The following VPS51 variants were observed in gnomAD, a reference collection of about 807,000 sequenced individuals.
VPS51 encodes the protein vacuolar protein sorting-associated protein 51 homolog.
VPS51 carries 55 observed loss-of-function variants against 65.1 expected under a neutral mutation model. The ratio of observed to expected loss-of-function variants is 0.84; its 90% CI spans 0.68 to 1.06. The LOEUF is 1.06. VPS51 is among the 50% of genes least tolerant of loss of function. VPS51 has a pLI of 0.00. For missense variants in VPS51, 943 were observed against 1,101.6 expected, an observed-to-expected ratio of 0.86 and a Z score of 2.04; for synonymous variants, 473 against 489.5, an observed-to-expected ratio of 0.97 and a Z score of 0.44.
Position 65,107,663 on chromosome 11 carries a change from C to T in VPS51, c.441C>T (p.Thr147=), listed in dbSNP as rs777319079. ...DRLATNMAVI[T]DFSARISATL... is the part of the protein sequence containing the mutation. ...TGGCCACCAACATGGCAGTGATCAC[C>T]GACTTCAGCGCTCGCATCAGCGCCA... Residue 147 remains threonine, a synonymous_variant, in exon 3 of 10, where the codon ACC becomes ACT. Coordinates refer to ENST00000279281, the MANE Select transcript of VPS51 (RefSeq NM_013265.4). This position sits in a 1 kb window ranked among gnomAD's most constrained non-coding sequence, Gnocchi z 4.0. 2.8e-5 allele frequency: 45 copies of T among 1,610,126 alleles called. No homozygotes were observed. The highest frequency in any genetic ancestry group is 1.6e-4 in the Middle Eastern group (1 of 6,076).
At chr11:65,099,742 A>C (rs760490227) in intron 2 of VPS51, among the ~76,000 whole-genome samples, 1 of 152,150 alleles carries the variant, frequency 6.6e-6, no homozygotes, top group Non-Finnish European at 1.5e-5. Flanking sequence ...GATTGCAGTG[A>C]GCTATAATCT....
Position 65,108,312 on chromosome 11 carries a change from GAGA to G in VPS51, c.844_846del (p.Lys282del), listed in dbSNP as rs759913844. On this transcript the variant is annotated inframe_deletion, in exon 5 of 10. Coordinates refer to ENST00000279281, the MANE Select transcript of VPS51 (RefSeq NM_013265.4). The stretch of plus-strand genomic sequence containing the variant: ...CCTGGCGCACGCCCGCGGCCGGCTG[GAGA>G]AGGAGCTGAGAAACCTGGAGGCCGA... 6 of 1,609,224 alleles carry G rather than the reference GAGA, an allele frequency of 3.7e-6. No individual in the cohort carries two copies. The highest frequency in any genetic ancestry group is 1.1e-5 in the South Asian group (1 of 90,564).
intron 2 of VPS51, 85 bp downstream of exon 2, chr11:65,097,212 G>T (rs1284324401): frequency 1.9e-6 from 3 of 1,571,520 alleles, no homozygotes; most frequent in South Asian, 1.2e-5. Context: ...GGGATTTAGA[G>T]GGGGGAGACT....
At chr11:65,100,525 G>GTTTTT (rs36120079) in intron 2 of VPS51, among the ~76,000 whole-genome samples, 11 of 65,618 alleles carry the variant, frequency 1.7e-4, no homozygotes, top group East Asian at 4.8e-4. Flanking sequence ...TCATAGCAGT[G>GTTTTT]TTTTTTTTTT....
At position 65,111,741 on chromosome 11, in the gene VPS51, G is replaced by T; in HGVS notation, c.*154G>T. 1 of 1,330,830 alleles carries T rather than the reference G, an allele frequency of 7.5e-7. No individual in the cohort carries two copies. The highest frequency in any genetic ancestry group is 1.0e-6 in the Non-Finnish European group (1 of 1,004,114). 82.4% of individuals were successfully genotyped at this position (1,330,830 alleles called of 1,614,324 possible). ...TTGCTGGGCGGGCCTTTCCGGGGGC[G>T]GGGTTTTGAAGCTGAGGCTTCTGAG... On this transcript the variant is annotated 3_prime_UTR_variant, in exon 10 of 10. Coordinates refer to ENST00000279281, the MANE Select transcript of VPS51 (RefSeq NM_013265.4).
chr11:65,111,755 G>A lies in VPS51; in HGVS notation c.*168G>A. ...TTTCCGGGGGCGGGGTTTTGAAGCT[G>A]AGGCTTCTGAGGCGCCCGCGTCGGG... On this transcript the variant is annotated 3_prime_UTR_variant, in exon 10 of 10. Coordinates refer to ENST00000279281, the MANE Select transcript of VPS51 (RefSeq NM_013265.4). 1 of 1,204,376 alleles carries A rather than the reference G, an allele frequency of 8.3e-7. No individual in the cohort carries two copies. Among genetic ancestry groups the A allele is most frequent in the South Asian group, 1.6e-5 (1 of 62,490 alleles). The allele number at this position is 1,204,376 out of a possible 1,614,324, so 74.6% of individuals were successfully genotyped here. A position where few individuals can be genotyped will look rare whatever the true frequency, so the allele number is the denominator to read the frequency against.
chr11:65,108,743 C>T lies in VPS51; in HGVS notation c.1272C>T (p.Asp424=), dbSNP rs761863465. The change falls in exon 5 of 10, where the codon GAC becomes GAT. Residue 424 remains aspartate, a synonymous_variant. Transcript: ENST00000279281. ...LRAAFLGCLT[D]VRQALAAPRV... is the part of the protein sequence containing the mutation. ...CGGCCTTCCTGGGCTGCCTGACAGACGTCCGCCAGGCGCTGGCAGCACCTC... is the reference window on the plus strand; with the variant it reads ...CGGCCTTCCTGGGCTGCCTGACAGATGTCCGCCAGGCGCTGGCAGCACCTC... 14 of 1,611,190 alleles carry T rather than the reference C, an allele frequency of 8.7e-6. No individual in the cohort carries two copies. Among genetic ancestry groups the T allele is most frequent in the Non-Finnish European group, 1.2e-5 (14 of 1,179,730 alleles).
chr11:65,111,626 C>A lies in VPS51; in HGVS notation c.*39C>A. ...CATGCACCGGTCTGTCCCTGCACCC[C>A]ATGGCACCCAGGATCTGGTCTCGGT... On this transcript the variant is annotated 3_prime_UTR_variant, in exon 10 of 10. Coordinates refer to ENST00000279281, the MANE Select transcript of VPS51 (RefSeq NM_013265.4). 6.4e-7 allele frequency: 1 copy of A among 1,565,994 alleles called. No individual in the cohort carries two copies.
rs1947852122 is a variant in VPS51 at position 65,107,698 on chromosome 11, A to G, written c.476A>G (p.Asp159Gly). The G allele has an allele frequency of 3.1e-6, 5 of 1,609,842 alleles. No homozygotes were observed. The highest frequency in any genetic ancestry group is 3.4e-6 in the Non-Finnish European group (4 of 1,177,688). Reference protein sequence around the residue: ...FSARISATLQDRHERITKLAG... With the variant: ...FSARISATLQGRHERITKLAG... ...GCTCGCATCAGCGCCACGCTGCAGG[A>G]CCGCCACGAGCGCATCACCAAGCTG... The change falls in exon 3 of 10, where the codon GAC becomes GGC. Residue 159 changes from aspartate to glycine, a missense_variant. Coordinates refer to ENST00000279281, the MANE Select transcript of VPS51 (RefSeq NM_013265.4). The surrounding 1 kb of genome is among the most constrained non-coding windows in gnomAD (Gnocchi z 4.0).
Position 65,107,047 on chromosome 11 carries a change from C to A in VPS51, c.359-534C>A. 1 of 386,900 alleles carries A rather than the reference C, an allele frequency of 2.6e-6. No homozygotes were observed. Among genetic ancestry groups the A allele is most frequent in the Non-Finnish European group, 5.2e-6 (1 of 192,700 alleles). The allele number at this position is 386,900 out of a possible 1,614,324, so 24.0% of individuals were successfully genotyped here. A position where few individuals can be genotyped will look rare whatever the true frequency, so the allele number is the denominator to read the frequency against. ...ACCTGGTGTGTGAAAGGAAAAACAGCCTCCCTAGGCAGGATTCTATCAGGA... is the reference window on the plus strand; with the variant it reads ...ACCTGGTGTGTGAAAGGAAAAACAGACTCCCTAGGCAGGATTCTATCAGGA... On this transcript the variant is annotated intron_variant, in intron 2 of 9. Coordinates refer to ENST00000279281, the MANE Select transcript of VPS51 (RefSeq NM_013265.4). This position sits in a 1 kb window ranked among gnomAD's most constrained non-coding sequence, Gnocchi z 4.0.
At position 65,104,081 on chromosome 11, in the gene VPS51, A is replaced by G. The variant is rs545492287; in HGVS notation, c.359-3500A>G. On this transcript the variant is annotated intron_variant, in intron 2 of 9. Coordinates refer to ENST00000279281, the MANE Select transcript of VPS51 (RefSeq NM_013265.4). ...GTAGCTAGGATTACAGGCACCTGCC[A>G]CCACGCCCAACTACTTTTTGTATTT... Among the ~76,000 whole-genome samples the G allele has an allele frequency of 2.0e-5, 3 of 152,240 alleles. No individual in the cohort carries two copies. In the East Asian group the frequency reaches 5.8e-4, roughly 29 times the overall value.
In VPS51 at chr11:65,110,560, A is replaced by C. The variant is rs1165783134; in HGVS notation, c.1957A>C (p.Ser653Arg). 1 of 1,613,906 alleles carries C rather than the reference A, an allele frequency of 6.2e-7. No individual in the cohort carries two copies. The highest frequency in any genetic ancestry group is 8.5e-7 in the Non-Finnish European group (1 of 1,180,016). ...SSKRTFSVYS[S>R]SRQQGRYAPS... ...CAAGAGGACTTTCTCCGTGTACAGC[A>C]GCTCTCGGCAGCAGGGCCGCTACGC... The change falls in exon 8 of 10, where the codon AGC becomes CGC. Residue 653 changes from serine (S) to arginine (R), a missense_variant. Ser to Arg is a moderately radical substitution (Grantham distance 110). Coordinates refer to ENST00000279281, the MANE Select transcript of VPS51 (RefSeq NM_013265.4).
At chr11:65,097,260 C>T in intron 2 of VPS51, 133 bp downstream of exon 2, 3 of 1,343,880 alleles carry the variant, frequency 2.2e-6, no homozygotes, top group Admixed American at 2.1e-5. Flanking sequence ...TCCATTCTCA[C>T]CTCCTTTCCT....
Position 65,111,790 on chromosome 11 carries a change from G to A in VPS51, c.*203G>A. The A allele has an allele frequency of 9.6e-7, 1 of 1,039,968 alleles. No individual in the cohort carries two copies. The highest frequency in any genetic ancestry group is 1.4e-6 in the Non-Finnish European group (1 of 738,462). 64.4% of individuals were successfully genotyped at this position (1,039,968 alleles called of 1,614,324 possible). On this transcript the variant is annotated 3_prime_UTR_variant, in exon 10 of 10. Coordinates refer to ENST00000279281, the MANE Select transcript of VPS51 (RefSeq NM_013265.4). The stretch of plus-strand genomic sequence containing the variant: ...AGGCGCCCGCGTCGGGTCCGCCCCC[G>A]AGCGCCGATTGGCTGGTGTGCTGGG...
intron 6 of VPS51, 68 bp from the exon 7 acceptor site, chr11:65,109,637 G>T: frequency 6.6e-7 from 1 of 1,516,004 alleles, no homozygotes; most frequent in South Asian, 1.3e-5. Context: ...CCCAGCTCCT[G>T]GTTGGCAGTG....
rs1947879092 is a variant in VPS51, at chr11:65,109,916, A to T, written c.1871A>T (p.Asp624Val). The change falls in exon 7 of 10, where the codon GAC (aspartate) becomes GTC (valine). Residue 624 changes from aspartate (D) to valine (V), a missense_variant. Coordinates refer to ENST00000279281, the MANE Select transcript of VPS51 (RefSeq NM_013265.4). ...GTGGTGGAGGATACCACCGCCATCGACGTGCAGGTGCTGCCCAGGCTGGCC... is the reference window on the plus strand; with the variant it reads ...GTGGTGGAGGATACCACCGCCATCGTCGTGCAGGTGCTGCCCAGGCTGGCC... ...KRVVEDTTAI[D>V]VQVGLLYEEG... 6.3e-7 allele frequency: 1 copy of T among 1,599,268 alleles called. No homozygotes were observed. The highest frequency in any genetic ancestry group is 8.5e-7 in the Non-Finnish European group (1 of 1,175,764).
intron 8 of VPS51, 29 bp downstream of exon 8, chr11:65,110,632 G>C (rs758606581): frequency 9.3e-6 from 15 of 1,614,064 alleles, no homozygotes; most frequent in Non-Finnish European, 1.2e-5. Context: ...GCCCCAGGGG[G>C]AAGGGACAAA....
Position 65,111,705 on chromosome 11 carries a change from C to T in VPS51, c.*118C>T. 7.1e-7 allele frequency: 1 copy of T among 1,402,226 alleles called. No individual in the cohort carries two copies. The highest frequency in any genetic ancestry group is 1.4e-5 in the African/African-American group (1 of 69,188). 86.9% of individuals were successfully genotyped at this position (1,402,226 alleles called of 1,614,324 possible). A position where few individuals can be genotyped will look rare whatever the true frequency, so the allele number is the denominator to read the frequency against. On this transcript the variant is annotated 3_prime_UTR_variant, in exon 10 of 10. Coordinates refer to ENST00000279281, the MANE Select transcript of VPS51 (RefSeq NM_013265.4). The stretch of plus-strand genomic sequence containing the variant: ...CCGGCCTAATAAACATGTGTGGCCT[C>T]CTCCTCTCGCTTGCTGGGCGGGCCT...
chr11:65,107,982 A>AT lies in VPS51; in HGVS notation c.686dup (p.Thr230HisfsTer13), dbSNP rs1459320668. The AT allele has an allele frequency of 1.3e-6, 2 of 1,559,760 alleles. No individual in the cohort carries two copies. Among genetic ancestry groups the AT allele is most frequent in the African/African-American group, 2.7e-5 (2 of 73,610 alleles). On this transcript the variant is annotated frameshift_variant, in exon 4 of 10. Transcript: ENST00000279281. LOFTEE classifies it high-confidence loss of function. This position sits in a 1 kb window ranked among gnomAD's most constrained non-coding sequence, Gnocchi z 4.0. ...CGCCATCCAGGACGACTGCCAGGTC[A>AT]TCACGGCCCGCCTGGCCCAGCAGCT...
Sources: allele counts gnomAD v4.1 joint callset (sites outside exome capture counted in the v4.1 genomes callset), GRCh38; gene constraint gnomAD v4.1.1; non-coding constraint Gnocchi (gnomAD v3.1); transcripts MANE v1.5; gene names NCBI Gene and HGNC (gene_info 2026-07-23, HGNC 2026-07-21).